Variants in TNRC6C observed in about 807,000 individuals in gnomAD.
The protein encoded by TNRC6C is trinucleotide repeat-containing gene 6C protein.
A neutral mutation model predicts 153.7 loss-of-function variants in TNRC6C; 20 were observed. The ratio of observed to expected loss-of-function variants is 0.13; its 90% CI spans 0.09 to 0.19. TNRC6C has a LOEUF of 0.19. Among genes scored for constraint, TNRC6C ranks in the 10% least tolerant of loss-of-function variants. The probability of loss-of-function intolerance (pLI) is 1.00; values close to 1 mark genes in which losing one functional copy is unlikely to be tolerated. For synonymous variants in TNRC6C, 811 were observed against 841.4 expected (o/e 0.96, Z 0.63); for missense variants, 1,987 against 2,172.0 (o/e 0.91, Z 1.69).
intron 10 of TNRC6C, among the ~76,000 whole-genome samples, chr17:78,081,406 T>C (rs181703355): frequency 5.0e-4 from 76 of 152,286 alleles, no homozygotes; most frequent in Non-Finnish European, 7.9e-4. Flanking sequence ...GTTTGTGCAC[T>C]GAGTTGATAG....
exon 3 of TNRC6C, chr17:78,050,439 C>T: frequency 6.2e-7 from 1 of 1,614,050 alleles, no homozygotes; most frequent in Non-Finnish European, 8.5e-7. Context: ...AAAACACTGC[C>T]TGGGAATTTG....
chr17:78,039,318 C>CG (rs1555634293), intron 2 of TNRC6C, among the ~76,000 whole-genome samples: 1 of 148,844 alleles, frequency 6.7e-6, no homozygotes, highest in African/African-American at 2.5e-5. Context: ...TGCCCCCCCC[C>CG]CCCACTCCCT....
exon 18 of TNRC6C, chr17:78,102,498 C>T: frequency 6.2e-7 from 1 of 1,607,842 alleles, no homozygotes; most frequent in Non-Finnish European, 8.5e-7. Flanking sequence ...ACCGACACCT[C>T]AGGAAGAACC....
At chr17:78,023,507 C>G (rs1432336921) in intron 1 of TNRC6C, among the ~76,000 whole-genome samples, 1 of 152,078 alleles carries the variant, frequency 6.6e-6, no homozygotes, top group Non-Finnish European at 1.5e-5. Context: ...CTTGTTGAGT[C>G]TAGAATAAAA....
intron 1 of TNRC6C, among the ~76,000 whole-genome samples, chr17:77,990,476 G>A (rs1318880967): frequency 6.6e-6 from 1 of 152,100 alleles, no homozygotes; most frequent in East Asian, 1.9e-4. Flanking sequence ...TCATCTTGCC[G>A]TTTCTCAAAC....
chr17:78,073,249 A>G (rs2073028874), intron 7 of TNRC6C, among the ~76,000 whole-genome samples, 155 bp downstream of exon 9: 1 of 152,262 alleles, frequency 6.6e-6, no homozygotes, highest in African/African-American at 2.4e-5. Context: ...AGCTGGAACC[A>G]CAGAGGGAGC....
chr17:77,971,525 C>T (rs547875433), intron 1 of TNRC6C, among the ~76,000 whole-genome samples: 60 of 152,204 alleles, frequency 3.9e-4, no homozygotes, highest in Non-Finnish European at 5.0e-4. Context: ...TTTTAATGGG[C>T]ATTTCCACTG....
upstream of TNRC6C, chr17:78,004,220 AAAAG>A: frequency 2.4e-6 from 3 of 1,231,850 alleles, no homozygotes; most frequent in Non-Finnish European, 3.0e-6. Context: ...GAAGAAAAGA[AAAAG>A]AAAAAGCAGG....
rs139536130 is a variant in TNRC6C at position 78,098,248 on chromosome 17, G to C, written c.4307-95G>C. 4 of 1,203,144 alleles carry C rather than the reference G, an allele frequency of 3.3e-6. No homozygotes were observed. In the East Asian group the frequency reaches 1.0e-4, roughly 31 times the overall value. 74.5% of individuals were successfully genotyped at this position (1,203,144 alleles called of 1,614,324 possible). A position where few individuals can be genotyped will look rare whatever the true frequency, so the allele number is the denominator to read the frequency against. ...TCTTTGCCTATCACACAGTCTGCTG[G>C]TGTTAGAGAGCACTCTGTGTGGCTC... On this transcript the variant is annotated intron_variant, in intron 16 of 19. Transcript: ENST00000301624.
chr17:78,028,052 T>C (rs531239061), intron 1 of TNRC6C, among the ~76,000 whole-genome samples: 50 of 152,108 alleles, frequency 3.3e-4, no homozygotes, highest in East Asian at 1.2e-3. Flanking sequence ...CCCGCCACCA[T>C]GCCCGGCTAA....
chr17:78,006,291 A>C (rs551943422), intron 1 of TNRC6C, among the ~76,000 whole-genome samples: 32 of 152,354 alleles, frequency 2.1e-4, no homozygotes, highest in African/African-American at 7.2e-4. Context: ...GCAGCATAGC[A>C]AAAAGGACAT....
intron 11 of TNRC6C, among the ~76,000 whole-genome samples, chr17:78,085,020 C>T (rs1431427208): frequency 6.6e-6 from 1 of 152,160 alleles, no homozygotes; most frequent in African/African-American, 2.4e-5. Context: ...AGTCCTATTG[C>T]TTTCAGTCCT....
At chr17:78,050,981 G>C (rs1006653334) in exon 3 of TNRC6C, 6 of 1,613,854 alleles carry the variant, frequency 3.7e-6, no homozygotes, top group African/African-American at 1.3e-5. Context: ...GGGAACAGTG[G>C]CTGGGGCAAC....
At chr17:78,037,484 A>G (rs1240266291) in intron 2 of TNRC6C, among the ~76,000 whole-genome samples, 1 of 152,064 alleles carries the variant, frequency 6.6e-6, no homozygotes, top group Admixed American at 6.5e-5. Context: ...CAGACTACGG[A>G]TAGGGGACTG....
intron 1 of TNRC6C, among the ~76,000 whole-genome samples, chr17:77,966,148 A>G (rs1426447625): frequency 6.6e-6 from 1 of 152,204 alleles, no homozygotes; most frequent in East Asian, 1.9e-4. Flanking sequence ...AATGGCTGAG[A>G]CATAGTAGGG....
intron 18 of TNRC6C, 83 bp downstream of exon 21, chr17:78,102,627 T>C: frequency 1.4e-6 from 2 of 1,398,080 alleles, no homozygotes; most frequent in Non-Finnish European, 2.0e-6. Flanking sequence ...GGCTGTCTGG[T>C]GGGGCAGGAT....
intron 3 of TNRC6C, among the ~76,000 whole-genome samples, chr17:78,051,735 G>A (rs1306272713): frequency 2.0e-5 from 3 of 152,032 alleles, no homozygotes; most frequent in Non-Finnish European, 4.4e-5. Flanking sequence ...TGGAGATGAT[G>A]GATTTGAAAG....
chr17:77,980,900 C>T (rs575158841), intron 1 of TNRC6C, among the ~76,000 whole-genome samples: 1 of 152,346 alleles, frequency 6.6e-6, no homozygotes, highest in East Asian at 1.9e-4. Flanking sequence ...CACCGCCCTC[C>T]TGGCATCTCC....
exon 12 of TNRC6C, chr17:78,086,557 T>A: frequency 6.2e-7 from 1 of 1,613,932 alleles, no homozygotes; most frequent in South Asian, 1.1e-5. Flanking sequence ...GCGTAATGTG[T>A]CCGGATCCAT....
Sources: allele counts gnomAD v4.1 joint callset (sites outside exome capture counted in the v4.1 genomes callset), GRCh38; gene constraint gnomAD v4.1.1; transcripts MANE v1.5; gene names NCBI Gene and HGNC (gene_info 2026-07-23, HGNC 2026-07-21).